The following BOP1 variants were observed in gnomAD, a reference collection of about 807,000 sequenced individuals.
The protein encoded by BOP1 is BOP1 ribosomal biogenesis factor, also known as ribosome biogenesis protein BOP1.
Under a neutral mutation model 82.9 loss-of-function variants are expected in BOP1, and 54 were observed. The ratio of observed to expected loss-of-function variants is 0.65; its 90% CI spans 0.52 to 0.82. The LOEUF (loss-of-function observed/expected upper bound fraction) is 0.82. Ranked by LOEUF, BOP1 falls within the 40% of genes least tolerant of loss-of-function variation. The pLI is 0.00. For synonymous variants in BOP1, 566 were observed against 451.1 expected (o/e 1.25, Z -3.23); for missense variants, 1,170 against 1,072.0 (o/e 1.09, Z -1.28).
intron 2 of BOP1, among the ~76,000 whole-genome samples, chr8:144,279,519 C>T (rs1268892114): frequency 1.3e-5 from 2 of 152,234 alleles, no homozygotes; most frequent in Non-Finnish European, 2.9e-5. Flanking sequence ...GGACCCCCAT[C>T]TATCAGGCCT....
chr8:144,273,416 G>A (rs1192388267), intron 3 of BOP1, among the ~76,000 whole-genome samples: 3 of 152,332 alleles, frequency 2.0e-5, no homozygotes, highest in East Asian at 1.9e-4. Context: ...CGTGGGGGAC[G>A]GCCCCAGGCC....
Position 144,266,820 on chromosome 8 carries a change from G to A in BOP1, c.391-1749C>T, listed in dbSNP as rs1460670693. The A allele has an allele frequency of 3.2e-6, 4 of 1,231,564 alleles. No individual in the cohort carries two copies. In the East Asian group the frequency reaches 1.2e-4, roughly 37 times the overall value. The allele number at this position is 1,231,564 out of a possible 1,614,324, so 76.3% of individuals were successfully genotyped here. On this transcript the variant is annotated intron_variant, in intron 3 of 15. Coordinates refer to ENST00000569669, the MANE Select transcript of BOP1 (RefSeq NM_015201.5). The stretch of plus-strand genomic sequence containing the variant: ...CCGGGGGCGGGGGGCCAGGGGGCCG[G>A]CCAGGCCGTGAGCCCCGGCAGCGGC...
Position 144,263,868 on chromosome 8 carries a change from G to A in BOP1, c.1184C>T (p.Pro395Leu), listed in dbSNP as rs1238017215. The A allele has an allele frequency of 6.2e-6, 10 of 1,611,400 alleles. No individual in the cohort carries two copies. The highest frequency in any genetic ancestry group is 5.3e-5 in the African/African-American group (4 of 74,850). The change falls in exon 9 of 16, where the codon CCG (proline) becomes CTG (leucine). Residue 395 changes from proline to leucine, a missense_variant. Coordinates refer to ENST00000569669, the MANE Select transcript of BOP1 (RefSeq NM_015201.5). ...CGTGGGGAAGGGCTGCAGGTCCCTC[G>A]GCCGAGGCAGCTTGGGGATGAGGTC... is the stretch of plus-strand genomic sequence containing the variant. ...PEDLIPKLPR[P>L]RDLQPFPTCQ...
rs1845272066 is a variant in BOP1, at chr8:144,263,256, G to C, written c.1570C>G (p.Gln524Glu). 34 of 1,594,918 alleles carry C rather than the reference G, an allele frequency of 2.1e-5. No individual in the cohort carries two copies. In the South Asian group the frequency reaches 3.4e-4, roughly 16 times the overall value. Residue 524 changes from glutamine to glutamate, a missense_variant, in exon 12 of 16, where the codon CAA becomes GAA. Physicochemically the swap from Gln to Glu is conservative, Grantham distance 29. Coordinates refer to ENST00000569669, the MANE Select transcript of BOP1 (RefSeq NM_015201.5). ...RWLEASEEER[Q>E]VGLRLRICHG... is the part of the protein sequence containing the mutation. ...CAGATGCGCAGCCGCAGGCCCACTTGGCGCTCCTCCTCTGAGGCCTCCAGC... is the reference window on the plus strand; with the variant it reads ...CAGATGCGCAGCCGCAGGCCCACTTCGCGCTCCTCCTCTGAGGCCTCCAGC...
At chr8:144,286,734 G>A (rs1814888193) in intron 2 of BOP1, among the ~76,000 whole-genome samples, 1 of 152,260 alleles carries the variant, frequency 6.6e-6, no homozygotes. Flanking sequence ...CGCCCCACCA[G>A]CCCGGCCGGC....
At chr8:144,268,340 C>A in intron 3 of BOP1, 1 of 699,898 alleles carries the variant, frequency 1.4e-6, no homozygotes, top group Non-Finnish European at 2.3e-6. Flanking sequence ...TCTGCGCTGG[C>A]CCCAGCACCT....
chr8:144,291,178 G>A lies in BOP1; in HGVS notation c.99+94C>T. 2.6e-6 allele frequency: 3 copies of A among 1,148,460 alleles called. No individual in the cohort carries two copies. The highest frequency in any genetic ancestry group is 3.3e-6 in the Non-Finnish European group (3 of 896,328). 71.1% of individuals were successfully genotyped at this position (1,148,460 alleles called of 1,614,324 possible). ...CCGATTCACTGGGCGCGGGCGCCCA[G>A]GTGACAGAAGCCGGGCCCACCCGCC... On this transcript the variant is annotated intron_variant, in intron 1 of 15. Coordinates refer to ENST00000569669, the MANE Select transcript of BOP1 (RefSeq NM_015201.5). The surrounding 1 kb of genome is among the most constrained non-coding windows in gnomAD (Gnocchi z 4.1).
chr8:144,276,147 G>C (rs1213868883), intron 3 of BOP1, 77 bp downstream of exon 3: 1 of 1,560,638 alleles, frequency 6.4e-7, no homozygotes, highest in Non-Finnish European at 8.8e-7. Context: ...GGCAACCCCA[G>C]CCCCAACCCC....
intron 3 of BOP1, among the ~76,000 whole-genome samples, chr8:144,272,572 C>A (rs1845508139): frequency 6.6e-6 from 1 of 152,172 alleles, no homozygotes; most frequent in African/African-American, 2.4e-5. Flanking sequence ...TGTAGAGCAC[C>A]CCCCGCTGCC....
intron 2 of BOP1, among the ~76,000 whole-genome samples, chr8:144,286,320 G>A (rs1267566952): frequency 1.3e-5 from 2 of 152,128 alleles, no homozygotes; most frequent in Admixed American, 1.3e-4. Context: ...GGACACGCGG[G>A]CAGATGCACG....
chr8:144,262,524 T>TGAA, intron 14 of BOP1, 21 bp from the exon 15 acceptor site: 1 of 1,612,740 alleles, frequency 6.2e-7, no homozygotes, highest in South Asian at 1.1e-5. Context: ...GGAACCAGGT[T>TGAA]GAAGGCAGGC....
intron 3 of BOP1, 117 bp downstream of exon 3, chr8:144,276,107 C>T (rs1845564265): frequency 4.1e-6 from 5 of 1,217,990 alleles, no homozygotes; most frequent in Non-Finnish European, 6.0e-6. Flanking sequence ...AACAGTGCGG[C>T]CCACCTGCGG....
chr8:144,267,458 G>A (rs1176521906), intron 3 of BOP1, among the ~76,000 whole-genome samples: 1 of 152,242 alleles, frequency 6.6e-6, no homozygotes, highest in African/African-American at 2.4e-5. Context: ...ACCCAGGGCG[G>A]GGAGGCTGGG....
At position 144,263,826 on chromosome 8, in the gene BOP1, C is replaced by T; in HGVS notation, c.1221+5G>A. On this transcript the variant is annotated splice_donor_5th_base_variant and intron_variant, in intron 9 of 15. Transcript: ENST00000569669. Reference sequence around the variant, plus strand: ...TGCAACCCCAGCCCCCTAGTCTCCACTTACCAGGGCCTGGCACGTGGGGAA... The same window carrying T: ...TGCAACCCCAGCCCCCTAGTCTCCATTTACCAGGGCCTGGCACGTGGGGAA... 3.7e-6 allele frequency: 6 copies of T among 1,611,062 alleles called. No homozygotes were observed. The highest frequency in any genetic ancestry group is 4.2e-6 in the Non-Finnish European group (5 of 1,179,602).
At chr8:144,286,071 A>G (rs1814859137) in intron 2 of BOP1, among the ~76,000 whole-genome samples, 1 of 152,154 alleles carries the variant, frequency 6.6e-6, no homozygotes, top group Non-Finnish European at 1.5e-5. Context: ...GACTCCCACC[A>G]TTCAAGAGGG....
chr8:144,281,526 C>A (rs113308190), intron 2 of BOP1, among the ~76,000 whole-genome samples: 1,197 of 5,348 alleles, frequency 0.22, 392 homozygotes, highest in Middle Eastern at 0.5. Context: ...ACCAGGTCTT[C>A]GGCCTTCCCT....
At chr8:144,273,701 G>C (rs1845528779) in intron 3 of BOP1, among the ~76,000 whole-genome samples, 1 of 152,202 alleles carries the variant, frequency 6.6e-6, no homozygotes, top group African/African-American at 2.4e-5. Flanking sequence ...CCAGCGGCTG[G>C]ATGAGATCAC....
intron 2 of BOP1, among the ~76,000 whole-genome samples, chr8:144,280,008 C>T (rs587695238): frequency 2.6e-5 from 4 of 152,320 alleles, no homozygotes; most frequent in Admixed American, 6.5e-5. Context: ...TGGGGCTCCC[C>T]GGCCCCTCAG....
rs1224976200 is a variant in BOP1 at position 144,275,321 on chromosome 8, G to A, written c.390+903C>T. Among the ~76,000 whole-genome samples, 6 of 152,150 alleles carry A rather than the reference G, an allele frequency of 3.9e-5. 1 individual carries two copies. The South Asian group carries it at 1.0e-3, about 26-fold the overall frequency. On this transcript the variant is annotated intron_variant, in intron 3 of 15. Transcript: ENST00000569669. ...GCCACACTGAGGAGGGTATAGGCAG[G>A]CACTGCCTCTGGCTTCAGAGCTTCT... is the stretch of plus-strand genomic sequence containing the variant.
Sources: gnomAD v4.1 joint callset for allele counts (sites outside exome capture counted in the v4.1 genomes callset) on GRCh38, gnomAD v4.1.1 for gene constraint, Gnocchi (gnomAD v3.1) non-coding constraint, MANE v1.5 for transcripts, NCBI Gene and HGNC (gene_info 2026-07-23, HGNC 2026-07-21) for gene names.